Variants in RBL1 observed in about 807,000 individuals in gnomAD.
RBL1 encodes the protein RB transcriptional corepressor like 1.
In RBL1, 82 loss-of-function variants were observed where a neutral mutation model predicts 123.0. The ratio of observed to expected loss-of-function variants is 0.67; its 90% CI spans 0.56 to 0.80. The LOEUF (loss-of-function observed/expected upper bound fraction) is 0.80, where lower values mean the gene tolerates loss of function less well. Among genes scored for constraint, RBL1 ranks in the 30% least tolerant of loss-of-function variants. The probability of loss-of-function intolerance (pLI) is 0.00; values close to 1 mark genes in which losing one functional copy is unlikely to be tolerated. For synonymous variants in RBL1, 405 were observed against 441.3 expected (o/e 0.92, Z 1.03); for missense variants, 1,171 against 1,299.6 (o/e 0.90, Z 1.52).
intron 20 of RBL1, among the ~76,000 whole-genome samples, chr20:37,004,368 C>A (rs1343165759): frequency 6.6e-6 from 1 of 150,864 alleles, no homozygotes; most frequent in Non-Finnish European, 1.5e-5. Flanking sequence ...AGGTGTGAGC[C>A]ACTATGCCCG....
chr20:37,036,632 T>C (rs1361273883), intron 14 of RBL1, among the ~76,000 whole-genome samples: 14 of 148,564 alleles, frequency 9.4e-5, no homozygotes, highest in African/African-American at 3.5e-4. Context: ...TTTTCTTTTT[T>C]TTTTTTTTTT....
intron 12 of RBL1, among the ~76,000 whole-genome samples, chr20:37,045,348 C>T (rs1376051663): frequency 6.6e-6 from 1 of 151,968 alleles, no homozygotes; most frequent in African/African-American, 2.4e-5. Flanking sequence ...CCTCATGATC[C>T]GCCCGCCTTG....
rs2064697500 is a variant in RBL1, at chr20:37,040,184, T to C, written c.1872A>G (p.Glu624=). ...GAAGACTCCCACTGTCAGTTCGAACTTCCTTGACTCTTGGGTGCATTAGAG... is the reference window on the plus strand; with the variant it reads ...GAAGACTCCCACTGTCAGTTCGAACCTCCTTGACTCTTGGGTGCATTAGAG... The part of the protein sequence containing the change: ...MSPLMHPRVK[E]VRTDSGSLRR... The change falls in exon 14 of 22, where the codon GAA becomes GAG. Residue 624 remains glutamate, a synonymous_variant. Transcript: ENST00000373664. The C allele has an allele frequency of 1.9e-6, 3 of 1,614,034 alleles. No individual in the cohort carries two copies. The East Asian group carries it at 6.7e-5, about 36-fold the overall frequency.
intron 16 of RBL1, among the ~76,000 whole-genome samples, chr20:37,027,118 G>A (rs1248200151): frequency 6.6e-6 from 1 of 152,060 alleles, no homozygotes; most frequent in Non-Finnish European, 1.5e-5. Flanking sequence ...GGCTGAGGTG[G>A]GAGGATCGCT....
intron 2 of RBL1, among the ~76,000 whole-genome samples, chr20:37,070,831 G>C (rs1366744364): frequency 6.6e-6 from 1 of 151,984 alleles, no homozygotes; most frequent in Non-Finnish European, 1.5e-5. Context: ...CGTGGTCTTA[G>C]ATAGAAAACT....
chr20:37,002,024 A>G (rs1321924763), intron 21 of RBL1, among the ~76,000 whole-genome samples: 1 of 148,410 alleles, frequency 6.7e-6, no homozygotes, highest in Non-Finnish European at 1.5e-5. Flanking sequence ...GACCAGAAGC[A>G]GCAGAAGCAT....
At position 37,095,963 on chromosome 20, in the gene RBL1, C is replaced by G. The variant is rs1460418647; in HGVS notation, c.-35G>C. 2.1e-6 allele frequency: 3 copies of G among 1,459,532 alleles called. No homozygotes were observed. The highest frequency in any genetic ancestry group is 1.4e-5 in the African/African-American group (1 of 70,946). 90.4% of individuals were successfully genotyped at this position (1,459,532 alleles called of 1,614,324 possible). A position where few individuals can be genotyped will look rare whatever the true frequency, so the allele number is the denominator to read the frequency against. ...CCCCGCGGGCTGCGCGCCACGGCCC[C>G]CGACTTCTTTCTCCCTCCCAGGCGC... On this transcript the variant is annotated 5_prime_UTR_variant, in exon 1 of 22. Transcript: ENST00000373664.
intron 12 of RBL1, 60 bp downstream of exon 12, chr20:37,046,993 A>G: frequency 6.6e-7 from 1 of 1,510,304 alleles, no homozygotes; most frequent in Non-Finnish European, 8.8e-7. Context: ...TAAGATAAAT[A>G]CAATGTTTCT....
At chr20:37,044,307 A>C in intron 12 of RBL1, 57 bp from the exon 13 acceptor site, 1 of 1,532,328 alleles carries the variant, frequency 6.5e-7, no homozygotes, top group Non-Finnish European at 8.9e-7. Context: ...TCTAGTCTGG[A>C]CTTGCATGTA....
chr20:37,051,951 G>A (rs1427839506), intron 11 of RBL1, among the ~76,000 whole-genome samples: 1 of 151,828 alleles, frequency 6.6e-6, no homozygotes, highest in East Asian at 1.9e-4. Context: ...AAAGAAGGCA[G>A]GAGTGGTTAT....
intron 2 of RBL1, among the ~76,000 whole-genome samples, chr20:37,072,329 G>A (rs2154193): frequency 0.2 from 30,864 of 151,984 alleles, 3,413 homozygotes; most frequent in Middle Eastern, 0.34. Context: ...TTAGCCGGGC[G>A]TGGTGGCACA....
intron 16 of RBL1, 77 bp downstream of exon 16, chr20:37,032,588 C>A (rs1355028788): frequency 9.6e-6 from 15 of 1,559,772 alleles, no homozygotes; most frequent in African/African-American, 1.4e-5. Flanking sequence ...AAAAAAAAGA[C>A]CAAAGTCTGT....
At chr20:37,010,123 T>C (rs966826061) in intron 19 of RBL1, among the ~76,000 whole-genome samples, 2 of 151,886 alleles carry the variant, frequency 1.3e-5, no homozygotes, top group African/African-American at 4.8e-5. Context: ...TTTGGGAGGC[T>C]GAGGTGGGAG....
intron 13 of RBL1, 96 bp from the exon 14 acceptor site, chr20:37,040,381 T>C: frequency 6.7e-7 from 1 of 1,482,832 alleles, no homozygotes; most frequent in Non-Finnish European, 8.9e-7. Flanking sequence ...AGATAAAGTC[T>C]CATTCTGTTG....
chr20:37,032,617 C>T, intron 16 of RBL1, 48 bp downstream of exon 16: 1 of 1,599,694 alleles, frequency 6.3e-7, no homozygotes, highest in Non-Finnish European at 8.5e-7. Context: ...CTCAATCTTT[C>T]TTCCATTGAT....
chr20:37,095,941 C>A lies in RBL1; in HGVS notation c.-13G>T. Reference sequence around the variant, plus strand: ...TGTCCTCGAACATCCCTTCAGGCCCCGCGGGCTGCGCGCCACGGCCCCCGA... The same window carrying A: ...TGTCCTCGAACATCCCTTCAGGCCCAGCGGGCTGCGCGCCACGGCCCCCGA... On this transcript the variant is annotated 5_prime_UTR_variant, in exon 1 of 22. Coordinates refer to ENST00000373664, the MANE Select transcript of RBL1 (RefSeq NM_002895.5). The A allele has an allele frequency of 6.6e-7, 1 of 1,520,304 alleles. No individual in the cohort carries two copies. The allele number at this position is 1,520,304 out of a possible 1,614,324, so 94.2% of individuals were successfully genotyped here.
chr20:37,063,255 T>G (rs903671781), intron 7 of RBL1, among the ~76,000 whole-genome samples: 4 of 152,078 alleles, frequency 2.6e-5, no homozygotes, highest in Non-Finnish European at 5.9e-5. Flanking sequence ...TTTTTGTACT[T>G]TCAGTAGAGA....
chr20:37,019,808 A>G (rs1319112813), intron 18 of RBL1, among the ~76,000 whole-genome samples: 1 of 152,208 alleles, frequency 6.6e-6, no homozygotes, highest in Non-Finnish European at 1.5e-5. Flanking sequence ...TTCTTCAGGT[A>G]CAATAATAAC....
At chr20:37,000,365 G>T (rs1441962620) in intron 21 of RBL1, among the ~76,000 whole-genome samples, 4 of 147,846 alleles carry the variant, frequency 2.7e-5, no homozygotes, top group Non-Finnish European at 3.0e-5. Context: ...CCAGAAGGGA[G>T]GTGGGGGGGT....
Sources: gnomAD v4.1 joint callset for allele counts (sites outside exome capture counted in the v4.1 genomes callset) on GRCh38, gnomAD v4.1.1 for gene constraint, MANE v1.5 for transcripts, NCBI Gene and HGNC (gene_info 2026-07-23, HGNC 2026-07-21) for gene names.